The following TJP1 variants were observed in gnomAD, a reference collection of about 807,000 sequenced individuals.
TJP1 encodes tight junction protein 1.
A neutral mutation model predicts 194.2 loss-of-function variants in TJP1; 43 were observed. The observed-to-expected ratio is 0.22, with a 90% CI of 0.17 to 0.29. The LOEUF is 0.29. Ranked by LOEUF, TJP1 falls within the 10% of genes least tolerant of loss-of-function variation. TJP1 has a pLI of 1.00. For synonymous variants in TJP1, 801 were observed against 779.0 expected (o/e 1.03, Z -0.47); for missense variants, 1,971 against 2,185.7 (o/e 0.90, Z 1.96).
intron 24 of TJP1, 88 bp downstream of exon 24, chr15:29,710,743 T>C (rs1595570906): frequency 6.5e-7 from 1 of 1,537,496 alleles, no homozygotes; most frequent in African/African-American, 1.4e-5. Context: ...ATGTATTTTT[T>C]AATGTAAAAA....
intron 1 of TJP1, chr15:29,820,744 T>C: frequency 1.7e-6 from 1 of 590,626 alleles, no homozygotes; most frequent in Non-Finnish European, 3.0e-6. Flanking sequence ...AATGTTGCCT[T>C]TTATCCTAAA....
intron 25 of TJP1, among the ~76,000 whole-genome samples, chr15:29,705,992 C>CA (rs1183540347): frequency 1.3e-5 from 2 of 152,144 alleles, no homozygotes; most frequent in African/African-American, 4.8e-5. Flanking sequence ...AGTGCAGTGG[C>CA]ACAATCTTGG....
intron 2 of TJP1, among the ~76,000 whole-genome samples, chr15:29,845,249 T>C (rs1226199282): frequency 1.3e-5 from 2 of 152,122 alleles, no homozygotes; most frequent in African/African-American, 4.8e-5. Context: ...ATAAAGACAA[T>C]ATTGGTCAGG....
At chr15:29,871,404 C>A (rs1488797381) in intron 2 of TJP1, among the ~76,000 whole-genome samples, 1 of 152,260 alleles carries the variant, frequency 6.6e-6, no homozygotes, top group African/African-American at 2.4e-5. Flanking sequence ...TCCCACCATG[C>A]CCTCGTGGGC....
chr15:29,705,559 G>A lies in TJP1; in HGVS notation c.5037C>T (p.Asn1679=). 6.2e-7 allele frequency: 1 copy of A among 1,614,240 alleles called. No homozygotes were observed. Among genetic ancestry groups the A allele is most frequent in the East Asian group, 2.2e-5 (1 of 44,888 alleles). ...QEIYFKVCRD[N]SILPPLDKEK... ...CTTTATCTAAAGGTGGAAGGATGCTGTTGTCCCGGCAGACCTTGAAATAGA... is the reference window on the plus strand; with the variant it reads ...CTTTATCTAAAGGTGGAAGGATGCTATTGTCCCGGCAGACCTTGAAATAGA... Residue 1679 remains asparagine (N), a synonymous_variant, in exon 26 of 28, where the codon AAC becomes AAT. Transcript: ENST00000614355.
At chr15:29,785,496 TA>T (rs943332418) in intron 2 of TJP1, among the ~76,000 whole-genome samples, 4 of 151,876 alleles carry the variant, frequency 2.6e-5, no homozygotes, top group South Asian at 2.1e-4. Flanking sequence ...CTTGGTTCCT[TA>T]AAAAAAAATT....
rs554266714 is a variant in TJP1, at chr15:29,726,801, T to G, written c.2291A>C (p.Asn764Thr). ...LYERSHKLRK[N>T]NHHLFTTTIN... ...CTCACTTGTAAAAAGATGGTGATTA[T>G]TTTTACGAAGTTTATGAGATCGCTC... is the stretch of plus-strand genomic sequence containing the variant. Residue 764 changes from asparagine (N) to threonine (T), a missense_variant, in exon 17 of 28, where the codon AAT (asparagine) becomes ACT (threonine). Physicochemically the swap from Asn to Thr is moderately conservative, Grantham distance 65. Coordinates refer to ENST00000614355, the MANE Select transcript of TJP1 (RefSeq NM_001330239.4). 1 of 1,614,102 alleles carries G rather than the reference T, an allele frequency of 6.2e-7. No individual in the cohort carries two copies. Among genetic ancestry groups the G allele is most frequent in the South Asian group, 1.1e-5 (1 of 91,066 alleles).
At chr15:29,835,910 A>C (rs1347235671) in intron 2 of TJP1, among the ~76,000 whole-genome samples, 1 of 152,082 alleles carries the variant, frequency 6.6e-6, no homozygotes, top group Non-Finnish European at 1.5e-5. Context: ...AGAGAGACAG[A>C]GAGAGACAGA....
At chr15:29,929,514 C>T (rs1397539156) in intron 2 of TJP1, among the ~76,000 whole-genome samples, 6 of 151,950 alleles carry the variant, frequency 3.9e-5, no homozygotes, top group South Asian at 2.1e-4. Context: ...CTGGCCAACA[C>T]GGCAAAACCC....
chr15:29,926,469 G>A (rs537601710), intron 2 of TJP1, among the ~76,000 whole-genome samples: 5 of 152,148 alleles, frequency 3.3e-5, no homozygotes, highest in African/African-American at 9.6e-5. Flanking sequence ...CAAATTAACC[G>A]GACATAGTGG....
chr15:29,702,215 G>GA (rs2041593173), intron 27 of TJP1, among the ~76,000 whole-genome samples: 1 of 151,978 alleles, frequency 6.6e-6, no homozygotes, highest in African/African-American at 2.4e-5. Context: ...CAGTTCTGCA[G>GA]AATCTAGTTC....
At chr15:29,871,348 C>G (rs968711740) in intron 2 of TJP1, among the ~76,000 whole-genome samples, 2 of 152,246 alleles carry the variant, frequency 1.3e-5, no homozygotes, top group Non-Finnish European at 2.9e-5. Flanking sequence ...GTTTTTCCGG[C>G]TGTGGTAGCT....
chr15:29,760,813 C>T (rs940768588), intron 8 of TJP1, among the ~76,000 whole-genome samples: 3 of 152,324 alleles, frequency 2.0e-5, no homozygotes, highest in South Asian at 4.1e-4. Flanking sequence ...TGACAAACTG[C>T]AGCTGCGGAT....
At chr15:29,776,005 C>T (rs2046993695) in intron 2 of TJP1, among the ~76,000 whole-genome samples, 1 of 152,084 alleles carries the variant, frequency 6.6e-6, no homozygotes, top group Non-Finnish European at 1.5e-5. Flanking sequence ...TTTCAGAACA[C>T]TGATATCAAG....
intron 2 of TJP1, among the ~76,000 whole-genome samples, chr15:29,777,869 A>C (rs2047115468): frequency 6.6e-6 from 1 of 152,204 alleles, no homozygotes; most frequent in Non-Finnish European, 1.5e-5. Context: ...CCCCAGCCTT[A>C]GTAAACGATT....
intron 2 of TJP1, among the ~76,000 whole-genome samples, chr15:29,918,538 C>A (rs921071297): frequency 2.6e-5 from 4 of 152,036 alleles, no homozygotes; most frequent in Non-Finnish European, 4.4e-5. Flanking sequence ...AGTCCCAGAC[C>A]AGCCTGGGCA....
intron 10 of TJP1, 81 bp from the exon 11 acceptor site, chr15:29,737,495 C>A: frequency 6.8e-7 from 1 of 1,466,264 alleles, no homozygotes; most frequent in South Asian, 1.3e-5. Flanking sequence ...AAACTATATT[C>A]AGAATTAAAT....
At chr15:29,843,117 CCTG>C (rs1233584461) in intron 2 of TJP1, among the ~76,000 whole-genome samples, 3 of 152,026 alleles carry the variant, frequency 2.0e-5, no homozygotes, top group Admixed American at 6.6e-5. Flanking sequence ...TTTATTTTGT[CCTG>C]CTATTTGCTA....
chr15:29,751,564 A>G (rs2045284184), intron 8 of TJP1, among the ~76,000 whole-genome samples: 1 of 152,262 alleles, frequency 6.6e-6, no homozygotes, highest in African/African-American at 2.4e-5. Context: ...GAAACAACTG[A>G]GGAAAGCCCA....
Sources: allele counts gnomAD v4.1 joint callset (sites outside exome capture counted in the v4.1 genomes callset), GRCh38; gene constraint gnomAD v4.1.1; transcripts MANE v1.5; gene names NCBI Gene and HGNC (gene_info 2026-07-23, HGNC 2026-07-21).